SHQ1: variants seen among roughly 807,000 people sequenced by gnomAD.
SHQ1 encodes the protein SHQ1, H/ACA ribonucleoprotein assembly factor.
In SHQ1, 49 loss-of-function variants were observed where a neutral mutation model predicts 53.8. The observed-to-expected ratio is 0.91, with a 90% CI of 0.72 to 1.16. The LOEUF (loss-of-function observed/expected upper bound fraction) is 1.16. Ranked by LOEUF, SHQ1 falls within the 50% of genes most tolerant of loss-of-function variation. The pLI, the probability that SHQ1 is intolerant of heterozygous loss-of-function variation, is 0.00. For synonymous variants in SHQ1, 243 were observed against 251.0 expected, an observed-to-expected ratio of 0.97 and a Z score of 0.30; for missense variants, 738 against 683.1, an observed-to-expected ratio of 1.08 and a Z score of -0.90.
intron 10 of SHQ1, among the ~76,000 whole-genome samples, chr3:72,751,500 GTGTGTGTGTATA>G (rs1705371750): frequency 1.7e-5 from 2 of 119,596 alleles, no homozygotes; most frequent in East Asian, 4.0e-4. Flanking sequence ...GTGTGTGTGT[GTGTGTGTGTATA>G]TATATATATA....
chr3:72,836,472 A>G (rs573562389), intron 4 of SHQ1, among the ~76,000 whole-genome samples: 4 of 151,922 alleles, frequency 2.6e-5, no homozygotes, highest in Admixed American at 6.5e-5. Flanking sequence ...CTGGGCAACA[A>G]AGCAAGACTC....
chr3:72,769,294 C>A (rs1705797640), intron 10 of SHQ1, among the ~76,000 whole-genome samples: 1 of 152,192 alleles, frequency 6.6e-6, no homozygotes, highest in South Asian at 2.1e-4. Context: ...GACTTTTACA[C>A]AAAATCTTCC....
intron 6 of SHQ1, 28 bp from the exon 7 acceptor site, chr3:72,817,412 A>C: frequency 6.3e-7 from 1 of 1,585,108 alleles, no homozygotes; most frequent in South Asian, 1.1e-5. Context: ...TAAAAACTAG[A>C]TGTTTCATTC....
chr3:72,730,848 T>G, the SHQ1 span, among the ~76,000 whole-genome samples: 1 of 151,666 alleles, frequency 6.6e-6, no homozygotes, highest in African/African-American at 2.4e-5. Flanking sequence ...ATATGCAATT[T>G]CTTTTCCAGA....
intron 5 of SHQ1, among the ~76,000 whole-genome samples, chr3:72,826,337 T>C (rs939936189): frequency 5.9e-5 from 9 of 152,246 alleles, no homozygotes; most frequent in African/African-American, 2.2e-4. Context: ...AGGAACTCTT[T>C]TGAATTGAAG....
At chr3:72,776,040 A>T (rs1705952553) in intron 10 of SHQ1, among the ~76,000 whole-genome samples, 1 of 152,228 alleles carries the variant, frequency 6.6e-6, no homozygotes. Context: ...TAAAATGAAA[A>T]AGAAAAAGAA....
rs759119943 is a variant in SHQ1 at position 72,812,675 on chromosome 3, T to C, written c.1056A>G (p.Gln352=). The C allele has an allele frequency of 2.5e-6, 4 of 1,613,968 alleles. No individual in the cohort carries two copies. Among genetic ancestry groups the C allele is most frequent in the East Asian group, 2.2e-5 (1 of 44,848 alleles). Residue 352 remains glutamine, a synonymous_variant, in exon 9 of 11, where the codon CAA becomes CAG. Coordinates refer to ENST00000325599, the MANE Select transcript of SHQ1 (RefSeq NM_018130.3). ...GCAAGTACAGTAATATCTTACCCAGTTGCAATATCTTTATAGTGTCCCTGT... is the reference window on the plus strand; with the variant it reads ...GCAAGTACAGTAATATCTTACCCAGCTGCAATATCTTTATAGTGTCCCTGT... The part of the protein sequence containing the change: ...KAYRDTIKIL[Q]LGKSAVLKCL...
intron 10 of SHQ1, among the ~76,000 whole-genome samples, chr3:72,765,317 C>A (rs1284163428): frequency 6.6e-6 from 1 of 151,974 alleles, no homozygotes; most frequent in East Asian, 1.9e-4. Context: ...ACTTGCCTGT[C>A]TCCTCAGACC....
chr3:72,834,548 G>A (rs558286825), intron 4 of SHQ1, among the ~76,000 whole-genome samples: 10 of 152,244 alleles, frequency 6.6e-5, no homozygotes, highest in Admixed American at 2.6e-4. Flanking sequence ...AGAAGTCGTC[G>A]TCACTGGAAC....
rs181554130 is a variant in SHQ1, at chr3:72,825,899, T to C, written c.600-1348A>G. Reference sequence around the variant, plus strand: ...AAAGATCACAGACAACTTACGGAGTTCTTTGTATGTTCCAGGCACCGCACT... The same window carrying C: ...AAAGATCACAGACAACTTACGGAGTCCTTTGTATGTTCCAGGCACCGCACT... On this transcript the variant is annotated intron_variant, in intron 5 of 10. Transcript: ENST00000325599. Among the ~76,000 whole-genome samples the C allele has an allele frequency of 8.5e-5, 13 of 152,304 alleles. No homozygotes were observed. In the East Asian group the frequency reaches 2.3e-3, roughly 27 times the overall value.
At chr3:72,736,679 G>A in the SHQ1 span, among the ~76,000 whole-genome samples, 1 of 147,646 alleles carries the variant, frequency 6.8e-6, no homozygotes, top group East Asian at 2.0e-4. Context: ...TGTAATCCCA[G>A]CTACTTGGGA....
At chr3:72,773,383 C>G (rs1705894190) in intron 10 of SHQ1, 2 of 476,328 alleles carry the variant, frequency 4.2e-6, no homozygotes, top group African/African-American at 4.0e-5. Context: ...CAGTACATCC[C>G]TCAGCCTATC....
chr3:72,842,007 T>A (rs1708190732), intron 3 of SHQ1, among the ~76,000 whole-genome samples: 1 of 152,216 alleles, frequency 6.6e-6, no homozygotes, highest in Non-Finnish European at 1.5e-5. Flanking sequence ...CTTAACTGTA[T>A]ACTTCTGATC....
At chr3:72,784,301 T>A (rs1311051658) in intron 10 of SHQ1, among the ~76,000 whole-genome samples, 1 of 152,216 alleles carries the variant, frequency 6.6e-6, no homozygotes, top group Non-Finnish European at 1.5e-5. Context: ...GTCTTAGATC[T>A]GTAGGAACAT....
chr3:72,831,444 T>C (rs1036446316), intron 5 of SHQ1, among the ~76,000 whole-genome samples: 2 of 152,242 alleles, frequency 1.3e-5, no homozygotes, highest in Non-Finnish European at 2.9e-5. Context: ...TAGTGTGACC[T>C]TGAGCAAGTC....
At chr3:72,728,486 T>G in the SHQ1 span, among the ~76,000 whole-genome samples, 1 of 152,300 alleles carries the variant, frequency 6.6e-6, no homozygotes, top group East Asian at 1.9e-4. Context: ...CAGAAACAGT[T>G]AATCTGAAAG....
At chr3:72,767,100 G>C (rs1403094577) in intron 10 of SHQ1, among the ~76,000 whole-genome samples, 1 of 152,104 alleles carries the variant, frequency 6.6e-6, no homozygotes, top group Non-Finnish European at 1.5e-5. Flanking sequence ...TACACCACAG[G>C]GCTAGCCACA....
chr3:72,787,277 C>CT (rs1276025340), intron 10 of SHQ1, among the ~76,000 whole-genome samples: 3 of 152,122 alleles, frequency 2.0e-5, no homozygotes, highest in African/African-American at 7.2e-5. Context: ...TTCAAAAACA[C>CT]TTTTTTTCTT....
At chr3:72,754,015 A>C (rs1343349099) in intron 10 of SHQ1, among the ~76,000 whole-genome samples, 2 of 152,232 alleles carry the variant, frequency 1.3e-5, no homozygotes, top group Admixed American at 6.5e-5. Flanking sequence ...GAAAGTGGAT[A>C]CTGCCTCTAA....
Sources: allele counts gnomAD v4.1 joint callset (sites outside exome capture counted in the v4.1 genomes callset), GRCh38; gene constraint gnomAD v4.1.1; transcripts MANE v1.5; gene names NCBI Gene and HGNC (gene_info 2026-07-23, HGNC 2026-07-21).